The following DACH2 variants were observed in gnomAD, a reference collection of about 807,000 sequenced individuals.
The protein encoded by DACH2 is dachshund homolog 2.
In DACH2, 17 loss-of-function variants were observed where a neutral mutation model predicts 35.8. The observed-to-expected ratio is 0.48, with a 90% CI of 0.33 to 0.71. DACH2 has a LOEUF of 0.71. Among genes scored for constraint, DACH2 ranks in the 30% least tolerant of loss-of-function variants. The pLI is 0.02. For missense variants in DACH2, 469 were observed against 472.7 expected, an observed-to-expected ratio of 0.99 and a Z score of 0.07; for synonymous variants, 195 against 177.3, an observed-to-expected ratio of 1.10 and a Z score of -0.79.
chrX:86,467,788 G>A (rs1482932080), intron 2 of DACH2, among the ~76,000 whole-genome samples: 3 of 111,980 alleles, frequency 2.7e-5, no homozygotes, highest in Non-Finnish European at 5.6e-5. Flanking sequence ...TGGTGGAAGG[G>A]AAAGGAAACA....
intron 5 of DACH2, among the ~76,000 whole-genome samples, chrX:86,711,309 G>A (rs1224952652): frequency 9.0e-6 from 1 of 110,879 alleles, no homozygotes; most frequent in Admixed American, 9.6e-5. Context: ...CCCGGGAGGC[G>A]GAGGTTGCGT....
chrX:86,255,862 AAC>A (rs766852566), intron 1 of DACH2, among the ~76,000 whole-genome samples: 1 of 111,907 alleles, frequency 8.9e-6, no homozygotes, highest in South Asian at 3.7e-4. Flanking sequence ...AATTAAAGGA[AAC>A]ACACATAATT....
chrX:86,432,946 G>A (rs974451705), intron 2 of DACH2, among the ~76,000 whole-genome samples: 5 of 111,413 alleles, frequency 4.5e-5, no homozygotes, highest in South Asian at 3.7e-4. Flanking sequence ...GAAGCATTGC[G>A]TGGTCGTTAA....
intron 2 of DACH2, among the ~76,000 whole-genome samples, chrX:86,508,137 A>G (rs1264387480): frequency 8.9e-6 from 1 of 112,181 alleles, no homozygotes; most frequent in East Asian, 2.8e-4. Context: ...TTATCCATTC[A>G]TCATAAGTTT....
chrX:86,546,233 A>G (rs2038953816), intron 3 of DACH2, among the ~76,000 whole-genome samples: 2 of 111,403 alleles, frequency 1.8e-5, no homozygotes, highest in Admixed American at 9.5e-5. Context: ...CCACCAGCAG[A>G]TGGATTTAAC....
At chrX:86,707,783 C>T (rs376254152) in intron 5 of DACH2, among the ~76,000 whole-genome samples, 8 of 107,293 alleles carry the variant, frequency 7.5e-5, no homozygotes, top group Admixed American at 5.0e-4. Context: ...TGTGTGGTGG[C>T]GTGCGCCTGT....
chrX:86,824,663 A>G (rs1328519007), intron 11 of DACH2, among the ~76,000 whole-genome samples: 1 of 112,164 alleles, frequency 8.9e-6, no homozygotes, highest in Non-Finnish European at 1.9e-5. Context: ...CAGTCCCTCC[A>G]TTCAGGATCC....
chrX:86,711,788 G>C (rs142113825), intron 5 of DACH2, among the ~76,000 whole-genome samples: 1,236 of 112,334 alleles, frequency 0.011, 6 homozygotes, highest in Non-Finnish European at 0.019. Context: ...TGATTTCAAA[G>C]TATGAGTTTT....
intron 1 of DACH2, among the ~76,000 whole-genome samples, chrX:86,358,431 CCACACACACACACACACACACACACA>C (rs752012562): frequency 1.1e-5 from 1 of 87,531 alleles, no homozygotes; most frequent in African/African-American, 4.1e-5. Context: ...CCCAGCCCCG[CCACACACACACACACACACACACACA>C]CACACACACA....
At chrX:86,531,557 G>A (rs2038720864) in intron 3 of DACH2, among the ~76,000 whole-genome samples, 1 of 112,232 alleles carries the variant, frequency 8.9e-6, no homozygotes, top group Non-Finnish European at 1.9e-5. Context: ...CATGGTGTTG[G>A]GTCTACAGAT....
At chrX:86,513,224 C>T (rs1263399629) in intron 2 of DACH2, among the ~76,000 whole-genome samples, 2 of 111,792 alleles carry the variant, frequency 1.8e-5, no homozygotes, top group Non-Finnish European at 3.8e-5. Flanking sequence ...TCTATCTGAA[C>T]CTCATACATT....
Position 86,518,669 on chromosome X carries a change from A to T in DACH2, c.640+4278A>T, listed in dbSNP as rs138790737. ...TGATTTTATGACAATTGTGAATGGGATTGCCTTTCTGATTTGGCTCTCAGT... is the reference window on the plus strand; with the variant it reads ...TGATTTTATGACAATTGTGAATGGGTTTGCCTTTCTGATTTGGCTCTCAGT... On this transcript the variant is annotated intron_variant, in intron 3 of 11. Coordinates refer to ENST00000373125, the MANE Select transcript of DACH2 (RefSeq NM_053281.3). Among the ~76,000 whole-genome samples, 405 of 111,597 alleles carry T rather than the reference A, an allele frequency of 3.6e-3. 1 individual carries two copies. Among genetic ancestry groups the T allele is most frequent in the Middle Eastern group, 9.2e-3 (2 of 217 alleles).
At chrX:86,720,775 A>G (rs942831681) in intron 6 of DACH2, among the ~76,000 whole-genome samples, 1 of 112,698 alleles carries the variant, frequency 8.9e-6, no homozygotes, top group African/African-American at 3.2e-5. Context: ...TGGGGGTCAC[A>G]TGACACATTT....
At chrX:86,531,350 C>T (rs771727716) in intron 3 of DACH2, among the ~76,000 whole-genome samples, 1 of 111,506 alleles carries the variant, frequency 9.0e-6, no homozygotes, top group Non-Finnish European at 1.9e-5. Context: ...CAGCCCCTCC[C>T]ATCACAGACC....
At chrX:86,314,968 G>T (rs1033823977) in intron 1 of DACH2, among the ~76,000 whole-genome samples, 2 of 112,483 alleles carry the variant, frequency 1.8e-5, no homozygotes, top group South Asian at 3.7e-4. Flanking sequence ...AATTGAGGAA[G>T]TTGTTTGGTT....
At chrX:86,786,921 A>T (rs1395364520) in intron 7 of DACH2, among the ~76,000 whole-genome samples, 1 of 111,434 alleles carries the variant, frequency 9.0e-6, no homozygotes, top group Non-Finnish European at 1.9e-5. Flanking sequence ...TGCTTTTCTC[A>T]TGATAGAGAA....
At chrX:86,787,307 A>G (rs897869794) in intron 7 of DACH2, among the ~76,000 whole-genome samples, 4 of 111,566 alleles carry the variant, frequency 3.6e-5, no homozygotes, top group South Asian at 3.7e-4. Flanking sequence ...GATCCAGTTT[A>G]CTCTCTCAGG....
At chrX:86,288,907 G>A (rs2034210245) in intron 1 of DACH2, among the ~76,000 whole-genome samples, 1 of 111,467 alleles carries the variant, frequency 9.0e-6, no homozygotes, top group African/African-American at 3.3e-5. Context: ...CTAAGGTAGT[G>A]AGACAAAGTC....
At chrX:86,570,627 T>G (rs2031710725) in intron 3 of DACH2, among the ~76,000 whole-genome samples, 1 of 110,268 alleles carries the variant, frequency 9.1e-6, no homozygotes, top group African/African-American at 3.3e-5. Context: ...AAAAAATGCA[T>G]GCTGGGCTTA....
Sources: allele counts gnomAD v4.1 joint callset (sites outside exome capture counted in the v4.1 genomes callset), GRCh38; gene constraint gnomAD v4.1.1; transcripts MANE v1.5; gene names NCBI Gene and HGNC (gene_info 2026-07-23, HGNC 2026-07-21).